TBC1D22A: variants seen among roughly 807,000 people sequenced by gnomAD.
The protein encoded by TBC1D22A is TBC1 domain family member 22A.
TBC1D22A carries 38 observed loss-of-function variants against 60.2 expected under a neutral mutation model. The observed-to-expected ratio is 0.63, with a 90% CI of 0.49 to 0.83. TBC1D22A has a LOEUF of 0.83. Among genes scored for constraint, TBC1D22A ranks in the 40% least tolerant of loss-of-function variants. The pLI is 0.00. For missense variants in TBC1D22A, 628 were observed against 701.0 expected (o/e 0.90, Z 1.18); for synonymous variants, 302 against 281.7 (o/e 1.07, Z -0.72).
chr22:47,157,132 T>C (rs2067753932), intron 12 of TBC1D22A, among the ~76,000 whole-genome samples: 1 of 152,158 alleles, frequency 6.6e-6, no homozygotes, highest in African/African-American at 2.4e-5. Context: ...GGGTGATTCG[T>C]CTCCTTGCAG....
At chr22:46,902,884 C>T (rs2069106134) in intron 7 of TBC1D22A, among the ~76,000 whole-genome samples, 1 of 150,174 alleles carries the variant, frequency 6.7e-6, no homozygotes, top group Non-Finnish European at 1.5e-5. Flanking sequence ...GTGCGTGAAA[C>T]CCAGAGAGAT....
intron 12 of TBC1D22A, among the ~76,000 whole-genome samples, chr22:47,137,015 G>A (rs1379554678): frequency 6.6e-6 from 1 of 152,154 alleles, no homozygotes; most frequent in Admixed American, 6.5e-5. Context: ...CCCTGGCTAC[G>A]TCTTCACTCG....
At chr22:46,995,716 T>C (rs530887082) in intron 9 of TBC1D22A, among the ~76,000 whole-genome samples, 1 of 152,230 alleles carries the variant, frequency 6.6e-6, no homozygotes, top group East Asian at 1.9e-4. Flanking sequence ...TCCCGAGGGC[T>C]GACACCCTTG....
At chr22:47,069,131 T>C (rs1183664790) in intron 11 of TBC1D22A, among the ~76,000 whole-genome samples, 3 of 152,238 alleles carry the variant, frequency 2.0e-5, no homozygotes, top group Non-Finnish European at 4.4e-5. Flanking sequence ...ATTGTTAAAA[T>C]AACTTCTATT....
chr22:46,841,361 G>A (rs1366628016), intron 4 of TBC1D22A, among the ~76,000 whole-genome samples: 6 of 152,222 alleles, frequency 3.9e-5, no homozygotes, highest in Non-Finnish European at 8.8e-5. Context: ...CAAGAGGGCC[G>A]TTGTCAGACA....
At chr22:47,026,957 G>A (rs1214845099) in intron 10 of TBC1D22A, among the ~76,000 whole-genome samples, 1 of 152,190 alleles carries the variant, frequency 6.6e-6, no homozygotes, top group Non-Finnish European at 1.5e-5. Context: ...GAACAAAGTT[G>A]AAGGACTTTG....
intron 11 of TBC1D22A, 116 bp downstream of exon 11, chr22:47,037,314 C>T (rs936879724): frequency 2.1e-6 from 3 of 1,409,384 alleles, no homozygotes; most frequent in Non-Finnish European, 2.9e-6. Context: ...AGCGCTCTCT[C>T]CATTGAAATG....
intron 8 of TBC1D22A, among the ~76,000 whole-genome samples, chr22:46,927,169 A>C (rs1051638877): frequency 6.6e-6 from 1 of 152,222 alleles, no homozygotes; most frequent in African/African-American, 2.4e-5. Context: ...ATTACAGAAC[A>C]ATATTCCTTA....
chr22:47,130,528 G>T (rs984314230), intron 12 of TBC1D22A, among the ~76,000 whole-genome samples: 4 of 152,186 alleles, frequency 2.6e-5, no homozygotes, highest in African/African-American at 9.7e-5. Flanking sequence ...CTTCCTCGCA[G>T]GCTTCGCGGG....
intron 11 of TBC1D22A, among the ~76,000 whole-genome samples, chr22:47,095,641 T>G (rs2337231): frequency 0.47 from 71,124 of 152,144 alleles, 17,287 homozygotes; most frequent in East Asian, 0.59. Flanking sequence ...AACTGGGAAC[T>G]GAAGGAGAGG....
At chr22:47,017,821 T>C (rs555843452) in intron 10 of TBC1D22A, among the ~76,000 whole-genome samples, 1 of 152,366 alleles carries the variant, frequency 6.6e-6, no homozygotes, top group Non-Finnish European at 1.5e-5. Context: ...TTGAAATTTA[T>C]CCTTTGATAA....
chr22:46,972,732 G>A (rs2074119827), intron 8 of TBC1D22A, among the ~76,000 whole-genome samples: 1 of 152,194 alleles, frequency 6.6e-6, no homozygotes, highest in East Asian at 1.9e-4. Flanking sequence ...CCCTACTCAA[G>A]ACCACTCTGT....
chr22:47,093,189 G>A (rs1429116244), intron 11 of TBC1D22A, among the ~76,000 whole-genome samples: 1 of 152,182 alleles, frequency 6.6e-6, no homozygotes, highest in Non-Finnish European at 1.5e-5. Flanking sequence ...AGGCGGTGCG[G>A]TACTTGTGAC....
chr22:47,019,986 A>C (rs1192966576), intron 10 of TBC1D22A, among the ~76,000 whole-genome samples: 2 of 133,184 alleles, frequency 1.5e-5, no homozygotes, highest in African/African-American at 2.9e-5. Context: ...TTAGCCCTCC[A>C]TCCTCCCCTC....
intron 9 of TBC1D22A, among the ~76,000 whole-genome samples, chr22:46,988,723 G>A (rs981708456): frequency 2.0e-5 from 3 of 152,216 alleles, no homozygotes; most frequent in Admixed American, 6.5e-5. Context: ...TAGAGCACAG[G>A]CAGAGTACTG....
intron 8 of TBC1D22A, among the ~76,000 whole-genome samples, chr22:46,927,097 AT>A (rs777942413): frequency 2.9e-4 from 44 of 152,206 alleles, no homozygotes; most frequent in Non-Finnish European, 7.3e-5. Flanking sequence ...TTTTCACCTC[AT>A]TCTATGTGGC....
chr22:46,826,870 G>T (rs373382823), intron 4 of TBC1D22A, among the ~76,000 whole-genome samples: 2 of 152,242 alleles, frequency 1.3e-5, no homozygotes, highest in East Asian at 1.9e-4. Context: ...TGTGCAGGAC[G>T]GTTCCTGGCT....
intron 8 of TBC1D22A, among the ~76,000 whole-genome samples, chr22:46,973,648 A>T (rs1448876970): frequency 6.6e-6 from 1 of 152,242 alleles, no homozygotes; most frequent in Non-Finnish European, 1.5e-5. Flanking sequence ...TAAGGATCTA[A>T]AATTAGTTTG....
chr22:47,115,001 G>T (rs1210566639), intron 12 of TBC1D22A, among the ~76,000 whole-genome samples: 1 of 151,516 alleles, frequency 6.6e-6, no homozygotes, highest in Admixed American at 6.6e-5. Context: ...TCCAGGGCCT[G>T]CTGGGCAGGG....
Sources: gnomAD v4.1 joint callset for allele counts (sites outside exome capture counted in the v4.1 genomes callset) on GRCh38, gnomAD v4.1.1 for gene constraint, MANE v1.5 for transcripts, NCBI Gene and HGNC (gene_info 2026-07-23, HGNC 2026-07-21) for gene names.